The following RANBP2 variants were observed in gnomAD, a reference collection of about 807,000 sequenced individuals.
RANBP2 encodes E3 SUMO-protein ligase RanBP2.
A neutral mutation model predicts 303.6 loss-of-function variants in RANBP2; 57 were observed. That is an observed-to-expected ratio of 0.19 (90% CI 0.15 to 0.23). RANBP2 has a LOEUF of 0.23. Among genes scored for constraint, RANBP2 ranks in the 10% least tolerant of loss-of-function variants. RANBP2 has a pLI of 1.00. For synonymous variants in RANBP2, 1,167 were observed against 1,301.5 expected (o/e 0.90, Z 2.23); for missense variants, 3,138 against 3,780.8 (o/e 0.83, Z 4.46).
chr2:109,185,314 T>G, the RANBP2 span, among the ~76,000 whole-genome samples: 2 of 152,220 alleles, frequency 1.3e-5, no homozygotes, highest in Non-Finnish European at 2.9e-5. Context: ...GAGCTCAGTG[T>G]GTTTGCATAT....
chr2:109,179,606 T>A, the RANBP2 span, among the ~76,000 whole-genome samples: 1 of 152,188 alleles, frequency 6.6e-6, no homozygotes. Flanking sequence ...CCTGCTGTGT[T>A]GTAATATGGT....
At chr2:109,113,178 T>C in the RANBP2 span, among the ~76,000 whole-genome samples, 1 of 152,116 alleles carries the variant, frequency 6.6e-6, no homozygotes, top group Non-Finnish European at 1.5e-5. Flanking sequence ...AAGAAAGTCA[T>C]TGGTAGCTTG....
chr2:109,318,547 G>A, the RANBP2 span, among the ~76,000 whole-genome samples: 1 of 152,236 alleles, frequency 6.6e-6, no homozygotes, highest in Non-Finnish European at 1.5e-5. Flanking sequence ...ACTGTGGTTT[G>A]TCCTTGCGGG....
At chr2:109,568,373 CTT>C in the RANBP2 span, among the ~76,000 whole-genome samples, 16 of 129,116 alleles carry the variant, frequency 1.2e-4, no homozygotes, top group African/African-American at 8.7e-5. Flanking sequence ...GCCACACAAT[CTT>C]TTTTTTTTTT....
the RANBP2 span, among the ~76,000 whole-genome samples, chr2:109,729,433 G>A: frequency 2.6e-5 from 4 of 152,122 alleles, no homozygotes; most frequent in Admixed American, 6.5e-5. Flanking sequence ...GATAACTTGA[G>A]GTCAGGAATT....
the RANBP2 span, among the ~76,000 whole-genome samples, chr2:109,563,696 C>T: frequency 6.6e-6 from 1 of 152,152 alleles, no homozygotes; most frequent in Non-Finnish European, 1.5e-5. Context: ...TGTAATATGG[C>T]AAGAAACAAT....
At chr2:108,803,997 ACTT>A in the RANBP2 span, among the ~76,000 whole-genome samples, 2 of 152,162 alleles carry the variant, frequency 1.3e-5, no homozygotes, top group Non-Finnish European at 2.9e-5. Context: ...ACAAAGATTA[ACTT>A]CTTAGAATAT....
At chr2:109,033,390 A>G in the RANBP2 span, among the ~76,000 whole-genome samples, 2 of 152,164 alleles carry the variant, frequency 1.3e-5, no homozygotes, top group African/African-American at 4.8e-5. Context: ...GGTTCTGTCT[A>G]GGTCCTGCCG....
chr2:109,488,813 G>C, the RANBP2 span, among the ~76,000 whole-genome samples: 1 of 152,312 alleles, frequency 6.6e-6, no homozygotes, highest in East Asian at 1.9e-4. Context: ...CAACCTCCAG[G>C]GCCTGGCACG....
At chr2:109,124,113 C>T in the RANBP2 span, among the ~76,000 whole-genome samples, 4 of 151,956 alleles carry the variant, frequency 2.6e-5, no homozygotes, top group Non-Finnish European at 4.4e-5. Context: ...CGGGTTCAAG[C>T]GAGTCTCATG....
the RANBP2 span, among the ~76,000 whole-genome samples, chr2:108,997,706 A>G: frequency 2.6e-5 from 4 of 151,968 alleles, no homozygotes; most frequent in Admixed American, 6.6e-5. Flanking sequence ...CCTGGCCAAG[A>G]TGGTGAAGTC....
At chr2:109,347,831 C>T in the RANBP2 span, 2 of 1,613,966 alleles carry the variant, frequency 1.2e-6, no homozygotes, top group Non-Finnish European at 1.7e-6. Context: ...GGCTTCCTCC[C>T]AGCCAGCTAT....
the RANBP2 span, among the ~76,000 whole-genome samples, chr2:109,095,366 T>A: frequency 2.8e-4 from 42 of 152,196 alleles, no homozygotes; most frequent in African/African-American, 9.9e-4. Flanking sequence ...GAAAATAGAA[T>A]GTGTTTTTGG....
At chr2:108,885,218 T>C in the RANBP2 span, 1 of 152,194 alleles carries the variant, frequency 6.6e-6, no homozygotes. Flanking sequence ...CTTTAAAACA[T>C]TTGAATCTTT....
the RANBP2 span, among the ~76,000 whole-genome samples, chr2:109,113,589 A>C: frequency 1.3e-5 from 2 of 152,236 alleles, no homozygotes; most frequent in Non-Finnish European, 2.9e-5. Flanking sequence ...AACAGGGACA[A>C]TTTGACTTCC....
chr2:109,211,085 T>A, the RANBP2 span, among the ~76,000 whole-genome samples: 1 of 152,168 alleles, frequency 6.6e-6, no homozygotes, highest in Admixed American at 6.5e-5. Context: ...ACCTTTTTGG[T>A]TAATATGCCC....
the RANBP2 span, among the ~76,000 whole-genome samples, chr2:109,409,596 C>T: frequency 1.3e-5 from 2 of 152,100 alleles, no homozygotes; most frequent in East Asian, 1.9e-4. Flanking sequence ...AGCAGTTCCC[C>T]TCACCAGCTG....
At chr2:109,236,361 A>C in the RANBP2 span, among the ~76,000 whole-genome samples, 1 of 152,158 alleles carries the variant, frequency 6.6e-6, no homozygotes, top group East Asian at 1.9e-4. Flanking sequence ...CGAGCATCCC[A>C]GTGAAGCACT....
At chr2:109,226,863 T>C in the RANBP2 span, among the ~76,000 whole-genome samples, 8 of 152,172 alleles carry the variant, frequency 5.3e-5, no homozygotes, top group Non-Finnish European at 7.3e-5. Flanking sequence ...AGAAACTAAC[T>C]GGAATCAGTC....
Sources: allele counts gnomAD v4.1 joint callset (sites outside exome capture counted in the v4.1 genomes callset), GRCh38; gene constraint gnomAD v4.1.1; transcripts MANE v1.5; gene names NCBI Gene and HGNC (gene_info 2026-07-23, HGNC 2026-07-21).